Variants in CDH18 observed in about 807,000 individuals in gnomAD.
CDH18 encodes cadherin 18.
CDH18 carries 31 observed loss-of-function variants against 67.9 expected under a neutral mutation model. The observed-to-expected ratio is 0.46, with a 90% CI of 0.34 to 0.62. The LOEUF (loss-of-function observed/expected upper bound fraction) is 0.62, where lower values mean the gene tolerates loss of function less well. CDH18 is among the 20% of genes least tolerant of loss of function. The pLI is 0.01. For missense variants in CDH18, 890 were observed against 975.5 expected (o/e 0.91, Z 1.17); for synonymous variants, 362 against 347.2 (o/e 1.04, Z -0.48).
At chr5:19,587,282 TG>T (rs1744316784) in intron 7 of CDH18, among the ~76,000 whole-genome samples, 1 of 152,194 alleles carries the variant, frequency 6.6e-6, no homozygotes, top group Non-Finnish European at 1.5e-5. Context: ...CAATTACTTT[TG>T]CATCAACCTA....
intron 1 of CDH18, among the ~76,000 whole-genome samples, chr5:20,570,542 A>G (rs1419630871): frequency 6.6e-6 from 1 of 152,186 alleles, no homozygotes; most frequent in African/African-American, 2.4e-5. Context: ...CAGGTAAATA[A>G]CACTACTCTC....
chr5:20,496,998 C>G (rs1467462656), intron 1 of CDH18, among the ~76,000 whole-genome samples: 1 of 151,756 alleles, frequency 6.6e-6, no homozygotes, highest in African/African-American at 2.4e-5. Flanking sequence ...TGTGGCCCCA[C>G]AGAGAAGGTG....
chr5:19,792,533 C>A (rs1054086305), intron 3 of CDH18, among the ~76,000 whole-genome samples: 3 of 152,176 alleles, frequency 2.0e-5, no homozygotes, highest in Non-Finnish European at 4.4e-5. Flanking sequence ...CAAATTCCCA[C>A]AGTAAATCTC....
At chr5:20,350,578 T>G (rs1741084226) in intron 1 of CDH18, among the ~76,000 whole-genome samples, 1 of 152,126 alleles carries the variant, frequency 6.6e-6, no homozygotes, top group African/African-American at 2.4e-5. Context: ...AGATTAATTG[T>G]CTTGTGCAGA....
intron 1 of CDH18, among the ~76,000 whole-genome samples, chr5:20,433,714 A>G (rs941690932): frequency 2.6e-5 from 4 of 152,090 alleles, no homozygotes; most frequent in Admixed American, 1.3e-4. Context: ...GACTAATTGT[A>G]TATTTACAAC....
intron 2 of CDH18, among the ~76,000 whole-genome samples, chr5:19,977,117 A>G (rs1798578346): frequency 6.6e-6 from 1 of 151,984 alleles, no homozygotes; most frequent in Admixed American, 6.6e-5. Context: ...TGTTACAATA[A>G]ACACCTGTCA....
At chr5:19,552,929 C>T in intron 8 of CDH18, among the ~76,000 whole-genome samples, 1 of 149,696 alleles carries the variant, frequency 6.7e-6, no homozygotes, top group African/African-American at 2.5e-5. Context: ...CATTTCATAT[C>T]TCTAGTAAAT....
chr5:20,535,061 A>G (rs1756636754), intron 1 of CDH18, among the ~76,000 whole-genome samples: 1 of 152,272 alleles, frequency 6.6e-6, no homozygotes, highest in Non-Finnish European at 1.5e-5. Context: ...GGATGCAAAC[A>G]TGAAAATATA....
upstream of CDH18, among the ~76,000 whole-genome samples, chr5:19,991,018 AT>A (rs1214713223): frequency 2.6e-5 from 4 of 152,186 alleles, no homozygotes; most frequent in Admixed American, 6.5e-5. Flanking sequence ...TATTAGAATC[AT>A]TTTAGCTGGA....
intron 2 of CDH18, among the ~76,000 whole-genome samples, chr5:20,002,355 T>A (rs544398754): frequency 6.6e-6 from 1 of 152,214 alleles, no homozygotes; most frequent in Non-Finnish European, 1.5e-5. Context: ...GGATAGAGAC[T>A]AACTTCAGTC....
At chr5:20,373,162 T>C (rs551332703) in intron 1 of CDH18, among the ~76,000 whole-genome samples, 1 of 152,340 alleles carries the variant, frequency 6.6e-6, no homozygotes, top group East Asian at 1.9e-4. Context: ...ATTATATCTC[T>C]CCGATGCCTA....
At chr5:19,960,394 T>C (rs1347550765) in intron 2 of CDH18, among the ~76,000 whole-genome samples, 2 of 151,740 alleles carry the variant, frequency 1.3e-5, no homozygotes, top group Non-Finnish European at 2.9e-5. Context: ...TGCTAGCTCA[T>C]GATCATCAAA....
At chr5:20,513,147 T>C (rs962977072) in intron 1 of CDH18, among the ~76,000 whole-genome samples, 10 of 152,172 alleles carry the variant, frequency 6.6e-5, no homozygotes, top group African/African-American at 2.4e-4. Context: ...ACAAGAAAAC[T>C]CTAAAACTAG....
intron 8 of CDH18, among the ~76,000 whole-genome samples, chr5:19,553,176 A>C (rs1737770532): frequency 6.6e-6 from 1 of 152,128 alleles, no homozygotes; most frequent in Admixed American, 6.5e-5. Context: ...TTAGGTATAC[A>C]TTCGTGATAA....
intron 5 of CDH18, among the ~76,000 whole-genome samples, chr5:19,637,192 T>C (rs1753284525): frequency 6.6e-6 from 1 of 152,156 alleles, no homozygotes; most frequent in Middle Eastern, 3.4e-3. Context: ...TCCTTCTTTC[T>C]TTCTTCTGAT....
chr5:20,335,374 T>C (rs974599182), intron 1 of CDH18, among the ~76,000 whole-genome samples: 1 of 152,178 alleles, frequency 6.6e-6, no homozygotes, highest in African/African-American at 2.4e-5. Context: ...CTTTTTCTTT[T>C]ATCTCAACTT....
rs1476936811 is a variant in CDH18, at chr5:20,538,910, T to TG, written c.-580+36551_-580+36552insC. On this transcript the variant is annotated intron_variant, in intron 1 of 14. Transcript: ENST00000507958. ...CACATAGCCAACTGTTTTTTTTTTG[T>TG]TTTTTTTTTTTTTTGTCGCCCAGGC... is the stretch of plus-strand genomic sequence containing the variant. Among the ~76,000 whole-genome samples, 13 of 123,710 alleles carry TG rather than the reference T, an allele frequency of 1.1e-4. No homozygotes were observed. In the East Asian group the frequency reaches 2.5e-3, roughly 24 times the overall value. The allele number at this position is 123,710 out of a possible 152,430, so 81.2% of individuals were successfully genotyped here.
intron 2 of CDH18, among the ~76,000 whole-genome samples, chr5:20,184,403 C>T (rs1737931810): frequency 1.3e-5 from 2 of 152,020 alleles, no homozygotes; most frequent in Admixed American, 6.6e-5. Context: ...GAAAATCTCT[C>T]CTATTTTGTT....
intron 3 of CDH18, among the ~76,000 whole-genome samples, chr5:19,758,261 G>C (rs1771888566): frequency 6.6e-6 from 1 of 152,204 alleles, no homozygotes; most frequent in African/African-American, 2.4e-5. Context: ...GTCGCATGGT[G>C]ACTTGGTGAC....
Sources: gnomAD v4.1 joint callset for allele counts (sites outside exome capture counted in the v4.1 genomes callset) on GRCh38, gnomAD v4.1.1 for gene constraint, MANE v1.5 for transcripts, NCBI Gene and HGNC (gene_info 2026-07-23, HGNC 2026-07-21) for gene names.